Variants in DAB1 observed in about 807,000 individuals in gnomAD.
DAB1 encodes the protein disabled homolog 1.
Under a neutral mutation model 64.6 loss-of-function variants are expected in DAB1, and 15 were observed. The ratio of observed to expected loss-of-function variants is 0.23; its 90% CI spans 0.16 to 0.36. The LOEUF is 0.36. Ranked by LOEUF, DAB1 falls within the 10% of genes least tolerant of loss-of-function variation. The pLI is 1.00. For synonymous variants in DAB1, 235 were observed against 251.9 expected (o/e 0.93, Z 0.64); for missense variants, 596 against 706.7 (o/e 0.84, Z 1.78).
intron 14 of DAB1, among the ~76,000 whole-genome samples, chr1:57,007,021 CT>C (rs1007376392): frequency 2.6e-5 from 4 of 151,824 alleles, no homozygotes; most frequent in African/African-American, 9.7e-5. Context: ...TCCCTACCTC[CT>C]TTTTTTTCTC....
intron 1 of DAB1, among the ~76,000 whole-genome samples, chr1:57,373,254 G>T (rs1680640510): frequency 6.6e-6 from 1 of 152,268 alleles, no homozygotes; most frequent in African/African-American, 2.4e-5. Context: ...CTTAGGTGCT[G>T]GTTTGTTGGA....
chr1:57,423,492 C>A (rs917444225), intron 1 of DAB1, among the ~76,000 whole-genome samples: 1 of 151,900 alleles, frequency 6.6e-6, no homozygotes, highest in African/African-American at 2.4e-5. Flanking sequence ...AAGGGTCTGG[C>A]CACCAGCGAG....
intron 7 of DAB1, among the ~76,000 whole-genome samples, chr1:57,528,776 T>A (rs1026605901): frequency 9.5e-5 from 1 of 10,542 alleles, no homozygotes; most frequent in Non-Finnish European, 3.8e-3. Context: ...TTAAGGTACT[T>A]AAAGATGAAA....
intron 6 of DAB1, among the ~76,000 whole-genome samples, chr1:57,685,090 C>A (rs1646680061): frequency 6.6e-6 from 1 of 151,596 alleles, no homozygotes; most frequent in African/African-American, 2.4e-5. Flanking sequence ...GTAGCTGGGA[C>A]TACAGGCACA....
intron 2 of DAB1, among the ~76,000 whole-genome samples, chr1:57,151,104 G>A (rs762627927): frequency 9.9e-5 from 15 of 152,278 alleles, no homozygotes; most frequent in Admixed American, 6.5e-4. Flanking sequence ...TGGCTAGAGC[G>A]ATGCACTCAA....
At chr1:57,917,187 C>A (rs765165821) in intron 5 of DAB1, among the ~76,000 whole-genome samples, 1 of 152,162 alleles carries the variant, frequency 6.6e-6, no homozygotes, top group African/African-American at 2.4e-5. Context: ...CCCCTCCCCT[C>A]CCCATGAGTA....
In DAB1 at chr1:58,194,582, G is replaced by A. The variant is rs947625523; in HGVS notation, n.310-43994C>T. 6.6e-5 allele frequency among the ~76,000 whole-genome samples: 10 copies of A among 152,172 alleles called. No homozygotes were observed. The East Asian group carries it at 9.6e-4, about 15-fold the overall frequency. On this transcript the variant is annotated intron_variant and non_coding_transcript_variant, in intron 4 of 20. Coordinates refer to the DAB1 transcript ENST00000485760. Reference sequence around the variant, plus strand: ...ATGGTAAAATATTTCTCAATAAGTCGAAAGGTGGTCATATGAAAGAAACTC... The same window carrying A: ...ATGGTAAAATATTTCTCAATAAGTCAAAAGGTGGTCATATGAAAGAAACTC...
At chr1:57,920,366 G>A (rs890656006) in intron 5 of DAB1, among the ~76,000 whole-genome samples, 1 of 152,114 alleles carries the variant, frequency 6.6e-6, no homozygotes, top group African/African-American at 2.4e-5. Flanking sequence ...AGGCTGGAGT[G>A]CAGTGGTGTG....
intron 1 of DAB1, among the ~76,000 whole-genome samples, chr1:57,838,635 C>T (rs1652916360): frequency 2.0e-5 from 3 of 152,104 alleles, no homozygotes; most frequent in Admixed American, 2.0e-4. Flanking sequence ...TGTGGCTCTG[C>T]CATTAACCAA....
intron 4 of DAB1, among the ~76,000 whole-genome samples, chr1:58,192,674 T>C (rs1173393731): frequency 6.6e-6 from 1 of 152,192 alleles, no homozygotes; most frequent in East Asian, 1.9e-4. Context: ...TGTGTGTGTA[T>C]GTATGTCTCG....
intron 1 of DAB1, among the ~76,000 whole-genome samples, chr1:57,374,660 G>A (rs1357356753): frequency 6.6e-6 from 1 of 152,112 alleles, no homozygotes; most frequent in Non-Finnish European, 1.5e-5. Flanking sequence ...TTCAGCCTCT[G>A]CCCATGAACA....
intron 3 of DAB1, among the ~76,000 whole-genome samples, chr1:58,498,085 T>G (rs1451100702): frequency 6.6e-6 from 1 of 152,086 alleles, no homozygotes; most frequent in Admixed American, 6.6e-5. Flanking sequence ...AAAATACTTC[T>G]GAGAAAAACA....
intron 4 of DAB1, among the ~76,000 whole-genome samples, chr1:58,238,531 T>C (rs1233230150): frequency 6.6e-6 from 1 of 151,940 alleles, no homozygotes; most frequent in East Asian, 1.9e-4. Flanking sequence ...TGGAAAAAAA[T>C]TGGTTACGAG....
intron 5 of DAB1, among the ~76,000 whole-genome samples, chr1:58,126,013 G>C (rs578170898): frequency 4.6e-5 from 7 of 152,012 alleles, no homozygotes; most frequent in Non-Finnish European, 1.0e-4. Context: ...GCAGGCAGGG[G>C]AGCTCACTAA....
At chr1:57,364,058 G>A (rs1172759943) in intron 1 of DAB1, among the ~76,000 whole-genome samples, 2 of 152,126 alleles carry the variant, frequency 1.3e-5, no homozygotes. Flanking sequence ...TTTCTCCGTT[G>A]GCCATTTTGG....
intron 1 of DAB1, among the ~76,000 whole-genome samples, chr1:57,390,063 T>C (rs1194196077): frequency 6.6e-6 from 1 of 152,250 alleles, no homozygotes; most frequent in Non-Finnish European, 1.5e-5. Flanking sequence ...GGTCTGCTCT[T>C]ATAAGTGGCA....
At chr1:58,260,684 A>G (rs1313620668) in intron 4 of DAB1, among the ~76,000 whole-genome samples, 2 of 152,200 alleles carry the variant, frequency 1.3e-5, no homozygotes, top group Non-Finnish European at 2.9e-5. Flanking sequence ...CTTGTGTTAT[A>G]CATAGGTGCA....
intron 5 of DAB1, among the ~76,000 whole-genome samples, chr1:58,069,673 A>G (rs1252865559): frequency 6.6e-6 from 1 of 152,194 alleles, no homozygotes; most frequent in East Asian, 1.9e-4. Flanking sequence ...ATCAATAATT[A>G]GTGTCTCCAT....
intron 3 of DAB1, among the ~76,000 whole-genome samples, chr1:58,475,208 T>C (rs1645406863): frequency 6.6e-6 from 1 of 152,104 alleles, no homozygotes; most frequent in Non-Finnish European, 1.5e-5. Flanking sequence ...CAGGCTGGAG[T>C]GCAGTGGCAC....
Sources: gnomAD v4.1 joint callset for allele counts (sites outside exome capture counted in the v4.1 genomes callset) on GRCh38, gnomAD v4.1.1 for gene constraint, MANE v1.5 for transcripts, NCBI Gene and HGNC (gene_info 2026-07-23, HGNC 2026-07-21) for gene names.